ATP2B4: variants seen among roughly 807,000 people sequenced by gnomAD.
The protein encoded by ATP2B4 is ATPase plasma membrane Ca2+ transporting 4.
ATP2B4 carries 39 observed loss-of-function variants against 110.3 expected under a neutral mutation model. The ratio of observed to expected loss-of-function variants is 0.35; its 90% CI spans 0.27 to 0.46. ATP2B4 has a LOEUF of 0.46. Ranked by LOEUF, ATP2B4 falls within the 20% of genes least tolerant of loss-of-function variation. ATP2B4 has a pLI of 1.00. For missense variants in ATP2B4, 1,135 were observed against 1,530.9 expected (o/e 0.74, Z 4.32); for synonymous variants, 538 against 571.7 (o/e 0.94, Z 0.84).
At chr1:203,664,918 G>A (rs181120863) in intron 1 of ATP2B4, among the ~76,000 whole-genome samples, 2 of 152,134 alleles carry the variant, frequency 1.3e-5, no homozygotes, top group Admixed American at 1.3e-4. Context: ...TGCAAGCTCC[G>A]CCTCCCGGGT....
At chr1:203,668,432 A>G (rs528840178) in intron 1 of ATP2B4, among the ~76,000 whole-genome samples, 4 of 152,126 alleles carry the variant, frequency 2.6e-5, no homozygotes, top group African/African-American at 9.6e-5. Context: ...AGATGGCTAT[A>G]GTTACTATAA....
chr1:203,654,338 C>T (rs1664093775), intron 1 of ATP2B4, among the ~76,000 whole-genome samples: 2 of 152,158 alleles, frequency 1.3e-5, no homozygotes, highest in Admixed American at 1.3e-4. Flanking sequence ...CAAAATACTA[C>T]TGCTCATTGA....
At chr1:203,709,190 T>A (rs1665933522) in intron 10 of ATP2B4, 111 bp from the exon 11 acceptor site, 1 of 1,386,798 alleles carries the variant, frequency 7.2e-7, no homozygotes, top group Non-Finnish European at 9.9e-7. Context: ...ATTTCCCCTA[T>A]GAGCTCCAGG....
At chr1:203,668,653 A>G (rs1664576487) in intron 1 of ATP2B4, among the ~76,000 whole-genome samples, 1 of 152,140 alleles carries the variant, frequency 6.6e-6, no homozygotes, top group Non-Finnish European at 1.5e-5. Flanking sequence ...ATCATCCGTG[A>G]CCCCAGTGAC....
intron 1 of ATP2B4, among the ~76,000 whole-genome samples, chr1:203,677,690 C>T (rs1187404978): frequency 2.0e-5 from 3 of 152,178 alleles, no homozygotes; most frequent in Non-Finnish European, 4.4e-5. Context: ...TCTCAAACTC[C>T]TGACCTCAGG....
At chr1:203,706,952 C>T in intron 8 of ATP2B4, 57 bp from the exon 9 acceptor site, 1 of 1,459,690 alleles carries the variant, frequency 6.9e-7, no homozygotes, top group Non-Finnish European at 9.5e-7. Flanking sequence ...CTATCTCTGG[C>T]TAGGGCCCTA....
chr1:203,672,547 C>T (rs925772049), intron 1 of ATP2B4, among the ~76,000 whole-genome samples: 10 of 152,102 alleles, frequency 6.6e-5, no homozygotes, highest in South Asian at 2.1e-4. Flanking sequence ...TGCTGCTGGC[C>T]GCCCTGGCCT....
chr1:203,632,614 A>G (rs1028269140), intron 1 of ATP2B4, among the ~76,000 whole-genome samples: 1 of 151,416 alleles, frequency 6.6e-6, no homozygotes, highest in African/African-American at 2.4e-5. Flanking sequence ...AAGTGCTGGG[A>G]TTACAGGCGT....
rs1666764625 is a variant in ATP2B4 at position 203,732,684 on chromosome 1, C to T, written c.3309+5113C>T. 2.6e-5 allele frequency among the ~76,000 whole-genome samples: 4 copies of T among 151,912 alleles called. No homozygotes were observed. In the South Asian group the frequency reaches 8.3e-4, roughly 32 times the overall value. On this transcript the variant is annotated intron_variant, in intron 20 of 20. Transcript: ENST00000357681. ...TTCAAATTCAGTAATACATAATTTG[C>T]CTTCAGAATCTTCAATTGTTTGCCT...
At chr1:203,632,473 A>G (rs1288154070) in intron 1 of ATP2B4, among the ~76,000 whole-genome samples, 1 of 151,600 alleles carries the variant, frequency 6.6e-6, no homozygotes, top group Non-Finnish European at 1.5e-5. Flanking sequence ...CTTCCTGAGT[A>G]GCTGGGACTA....
In ATP2B4 at chr1:203,628,241, G is replaced by T. The variant is rs75802498; in HGVS notation, c.-465+1022G>T. Among the ~76,000 whole-genome samples, 628 of 152,244 alleles carry T rather than the reference G, an allele frequency of 4.1e-3. 8 individuals are homozygous for T. The highest frequency in any genetic ancestry group is 0.014 in the African/African-American group (596 of 41,556). Reference sequence around the variant, plus strand: ...TCTTTTACATACTTGGCTCGCTCTTGGTAGAGGGGGCTGCTGGCATCCTTC... The same window carrying T: ...TCTTTTACATACTTGGCTCGCTCTTTGTAGAGGGGGCTGCTGGCATCCTTC... On this transcript the variant is annotated intron_variant, in intron 1 of 20. Coordinates refer to ENST00000357681, the MANE Select transcript of ATP2B4 (RefSeq NM_001684.5).
intron 15 of ATP2B4, 115 bp downstream of exon 15, chr1:203,714,392 T>C: frequency 9.8e-7 from 1 of 1,016,592 alleles, no homozygotes; most frequent in Admixed American, 1.9e-5. Flanking sequence ...GGGTGCTTTT[T>C]TGTCCAACTC....
At chr1:203,641,281 C>A (rs980691923) in intron 1 of ATP2B4, among the ~76,000 whole-genome samples, 3 of 152,220 alleles carry the variant, frequency 2.0e-5, no homozygotes, top group Admixed American at 6.5e-5. Context: ...TCAGTCCAAA[C>A]GCCAACAGAT....
At position 203,721,184 on chromosome 1, in the gene ATP2B4, T is replaced by G; in HGVS notation, c.2599-13T>G. 6.2e-7 allele frequency: 1 copy of G among 1,613,588 alleles called. No individual in the cohort carries two copies. The highest frequency in any genetic ancestry group is 2.2e-5 in the East Asian group (1 of 44,880). On this transcript the variant is annotated splice_polypyrimidine_tract_variant and intron_variant, in intron 16 of 20. Coordinates refer to ENST00000357681, the MANE Select transcript of ATP2B4 (RefSeq NM_001684.5). ...AGAGAAAAGCTAAAAGGACTGGTTCTTCTCCCCGCCAGGATTCCCCATTGA... is the reference window on the plus strand; with the variant it reads ...AGAGAAAAGCTAAAAGGACTGGTTCGTCTCCCCGCCAGGATTCCCCATTGA...
At chr1:203,707,472 A>T (rs917623491) in intron 9 of ATP2B4, among the ~76,000 whole-genome samples, 2 of 151,038 alleles carry the variant, frequency 1.3e-5, no homozygotes, top group African/African-American at 4.9e-5. Context: ...TTTAAGACAG[A>T]GTCTCATTCT....
chr1:203,687,264 GAAAGAA>G (rs1558034129), intron 2 of ATP2B4, among the ~76,000 whole-genome samples: 2 of 6,706 alleles, frequency 3.0e-4, no homozygotes, highest in Non-Finnish European at 2.1e-3. Flanking sequence ...GAAAGAAAAA[GAAAGAA>G]AAGAAAGAAA....
rs560359586 is a variant in ATP2B4, at chr1:203,629,907, C to A, written c.-465+2688C>A. Among the ~76,000 whole-genome samples the A allele has an allele frequency of 2.6e-4, 39 of 152,136 alleles. No individual in the cohort carries two copies. The highest frequency in any genetic ancestry group is 5.0e-4 in the Non-Finnish European group (34 of 68,024). ...GGGTCAAGGCATGTTGAGAGAAGCA[C>A]GGGCAGTTTGGGGGCCTTGGAATCA... On this transcript the variant is annotated intron_variant, in intron 1 of 20. Coordinates refer to ENST00000357681, the MANE Select transcript of ATP2B4 (RefSeq NM_001684.5). The surrounding 1 kb of genome is among the most constrained non-coding windows in gnomAD (Gnocchi z 4.6).
At chr1:203,640,715 T>C (rs1663600113) in intron 1 of ATP2B4, among the ~76,000 whole-genome samples, 1 of 152,220 alleles carries the variant, frequency 6.6e-6, no homozygotes, top group South Asian at 2.1e-4. Context: ...ACTTGAATCA[T>C]CTCATTTAAT....
At chr1:203,663,793 G>A (rs547743650) in intron 1 of ATP2B4, among the ~76,000 whole-genome samples, 2 of 151,970 alleles carry the variant, frequency 1.3e-5, no homozygotes, top group South Asian at 4.2e-4. Context: ...TTGTAGAGAC[G>A]GTGTCTCACT....
Sources: gnomAD v4.1 joint callset for allele counts (sites outside exome capture counted in the v4.1 genomes callset) on GRCh38, gnomAD v4.1.1 for gene constraint, Gnocchi (gnomAD v3.1) non-coding constraint, MANE v1.5 for transcripts, NCBI Gene and HGNC (gene_info 2026-07-23, HGNC 2026-07-21) for gene names.